ROR1: variants seen among roughly 807,000 people sequenced by gnomAD.
ROR1 encodes the protein inactive tyrosine-protein kinase transmembrane receptor ROR1.
ROR1 carries 19 observed loss-of-function variants against 78.8 expected under a neutral mutation model. The observed-to-expected ratio is 0.24, with a 90% confidence interval of 0.17 to 0.35. ROR1 has a LOEUF of 0.35. Among genes scored for constraint, ROR1 ranks in the 10% least tolerant of loss-of-function variants. The pLI, the probability that ROR1 is intolerant of heterozygous loss-of-function variation, is 1.00. For missense variants in ROR1, 917 were observed against 1,177.8 expected, an observed-to-expected ratio of 0.78 and a Z score of 3.24; for synonymous variants, 386 against 433.6, an observed-to-expected ratio of 0.89 and a Z score of 1.36.
At chr1:63,979,579 C>T (rs1357069205) in intron 1 of ROR1, among the ~76,000 whole-genome samples, 1 of 152,112 alleles carries the variant, frequency 6.6e-6, no homozygotes, top group African/African-American at 2.4e-5. Context: ...TAGCCTGAAA[C>T]CCGACCTCTT....
intron 1 of ROR1, among the ~76,000 whole-genome samples, chr1:63,914,868 T>C (rs146609764): frequency 3.0e-4 from 45 of 152,284 alleles, no homozygotes; most frequent in African/African-American, 1.1e-3. Context: ...CCTTGGCTGA[T>C]GGACACTGTT....
At chr1:63,908,538 T>C (rs1645545387) in intron 1 of ROR1, among the ~76,000 whole-genome samples, 2 of 152,224 alleles carry the variant, frequency 1.3e-5, no homozygotes, top group Admixed American at 1.3e-4. Context: ...CCCCTGTTTA[T>C]GTATTTATAT....
At chr1:63,811,353 C>G (rs938483897) in intron 1 of ROR1, among the ~76,000 whole-genome samples, 1 of 152,184 alleles carries the variant, frequency 6.6e-6, no homozygotes, top group Non-Finnish European at 1.5e-5. Context: ...ATCAGTGCCC[C>G]TAAAATTGTC....
chr1:64,168,657 C>CCTAATAAATACTATA (rs1650153402), intron 8 of ROR1, among the ~76,000 whole-genome samples: 1 of 152,192 alleles, frequency 6.6e-6, no homozygotes, highest in Non-Finnish European at 1.5e-5. Context: ...GCTATGACTA[C>CCTAATAAATACTATA]AAGTAGTCAT....
intron 4 of ROR1, among the ~76,000 whole-genome samples, chr1:64,088,543 C>G (rs1440534029): frequency 2.8e-5 from 4 of 143,744 alleles, no homozygotes; most frequent in African/African-American, 1.0e-4. Context: ...TTATCTGATT[C>G]TTTGGATCTA....
intron 6 of ROR1, among the ~76,000 whole-genome samples, chr1:64,140,756 T>C (rs1004975952): frequency 1.3e-5 from 2 of 152,190 alleles, no homozygotes; most frequent in Non-Finnish European, 2.9e-5. Context: ...AGAATGTTTA[T>C]AACAACACTA....
At chr1:63,860,788 A>AAAG (rs1159794438) in intron 1 of ROR1, among the ~76,000 whole-genome samples, 1 of 151,568 alleles carries the variant, frequency 6.6e-6, no homozygotes, top group South Asian at 2.1e-4. Flanking sequence ...AAAAAAAAAA[A>AAAG]AAGAAGAAGA....
chr1:63,833,182 CAGGT>C (rs1199452220), intron 1 of ROR1, among the ~76,000 whole-genome samples: 1 of 152,182 alleles, frequency 6.6e-6, no homozygotes, highest in Non-Finnish European at 1.5e-5. Flanking sequence ...CACTCAGTAA[CAGGT>C]AGCTGTTTTA....
intron 7 of ROR1, among the ~76,000 whole-genome samples, chr1:64,157,858 C>T (rs1487162988): frequency 6.6e-6 from 1 of 152,176 alleles, no homozygotes; most frequent in Middle Eastern, 3.2e-3. Context: ...TGTTTATTGA[C>T]TTACTGAATG....
intron 6 of ROR1, among the ~76,000 whole-genome samples, chr1:64,141,955 T>A (rs538401826): frequency 6.6e-6 from 1 of 152,246 alleles, no homozygotes; most frequent in South Asian, 2.1e-4. Flanking sequence ...AAACCCAGAA[T>A]GCACAGCCTC....
At chr1:64,114,638 T>A (rs1196046456) in intron 4 of ROR1, among the ~76,000 whole-genome samples, 1 of 152,168 alleles carries the variant, frequency 6.6e-6, no homozygotes, top group Admixed American at 6.5e-5. Flanking sequence ...GTTGTTTAGG[T>A]TGGCATTAAC....
At chr1:63,979,813 G>T (rs1372487333) in intron 1 of ROR1, among the ~76,000 whole-genome samples, 1 of 152,180 alleles carries the variant, frequency 6.6e-6, no homozygotes, top group African/African-American at 2.4e-5. Context: ...AAACCACATG[G>T]ATGAATCTGA....
At position 64,142,818 on chromosome 1, in the gene ROR1, G is replaced by A. The variant is rs560350054; in HGVS notation, c.1174+168G>A. On this transcript the variant is annotated intron_variant, in intron 7 of 8. Coordinates refer to ENST00000371079, the MANE Select transcript of ROR1 (RefSeq NM_005012.4). ...TTGCCGTTTCTACATAAAACACCTC[G>A]TAAGGTACCAAAACACGTTCTCAAG... 55 of 1,431,318 alleles carry A rather than the reference G, an allele frequency of 3.8e-5. No homozygotes were observed. In the African/African-American group the frequency reaches 4.7e-4, roughly 12 times the overall value. The allele number at this position is 1,431,318 out of a possible 1,614,324, so 88.7% of individuals were successfully genotyped here. A position where few individuals can be genotyped will look rare whatever the true frequency, so the allele number is the denominator to read the frequency against.
intron 4 of ROR1, among the ~76,000 whole-genome samples, chr1:64,127,554 C>T (rs957801293): frequency 7.3e-5 from 11 of 151,550 alleles, no homozygotes; most frequent in South Asian, 4.2e-4. Context: ...TTTGTCTTTC[C>T]GCTGTGTGTG....
chr1:63,851,222 C>T (rs1449601927), intron 1 of ROR1, among the ~76,000 whole-genome samples: 1 of 152,174 alleles, frequency 6.6e-6, no homozygotes, highest in Non-Finnish European at 1.5e-5. Context: ...TGGTGATCCG[C>T]TAGCCTCGGC....
At chr1:64,104,537 G>T (rs1389855728) in intron 4 of ROR1, among the ~76,000 whole-genome samples, 1 of 151,650 alleles carries the variant, frequency 6.6e-6, no homozygotes, top group Non-Finnish European at 1.5e-5. Flanking sequence ...AGAACACGCA[G>T]ATTTGTTACA....
chr1:63,872,735 C>G (rs977202907), intron 1 of ROR1, among the ~76,000 whole-genome samples: 2 of 152,166 alleles, frequency 1.3e-5, no homozygotes, highest in Admixed American at 1.3e-4. Flanking sequence ...TGCAAGAGAA[C>G]TCATCTATCT....
Position 64,142,524 on chromosome 1 carries a change from C to T in ROR1, c.1048C>T (p.Leu350Phe). ...TCCCCACACACACACTTTCACCGCCCTTCGTTTCCCAGAGCTGAATGGAGG... is the reference window on the plus strand; with the variant it reads ...TCCCCACACACACACTTTCACCGCCTTTCGTTTCCCAGAGCTGAATGGAGG... ...QYPHTHTFTA[L>F]RFPELNGGHS... Residue 350 changes from leucine (L) to phenylalanine (F), a missense_variant, in exon 7 of 9, where the codon CTT becomes TTT. Around this residue, in one of 3 missense-constraint regions of ROR1, gnomAD observed 835 missense variants for 1,069.8 expected, o/e 0.78. Transcript: ENST00000371079. The T allele has an allele frequency of 1.2e-6, 2 of 1,614,202 alleles. No individual in the cohort carries two copies. The highest frequency in any genetic ancestry group is 2.2e-5 in the East Asian group (1 of 44,880).
At chr1:64,003,265 T>G (rs1021566246) in intron 1 of ROR1, among the ~76,000 whole-genome samples, 1 of 152,156 alleles carries the variant, frequency 6.6e-6, no homozygotes, top group Non-Finnish European at 1.5e-5. Flanking sequence ...TTTGATATAT[T>G]ATGAATTTTT....
Sources: gnomAD v4.1 joint callset for allele counts (sites outside exome capture counted in the v4.1 genomes callset) on GRCh38, gnomAD v4.1.1 for gene constraint, gnomAD v4.1.1 regional missense constraint, MANE v1.5 for transcripts, NCBI Gene and HGNC (gene_info 2026-07-23, HGNC 2026-07-21) for gene names.